Variants in UPP2 observed in about 807,000 individuals in gnomAD.
UPP2 encodes the protein uridine phosphorylase 2.
Under a neutral mutation model 26.7 loss-of-function variants are expected in UPP2, and 23 were observed. The ratio of observed to expected loss-of-function variants is 0.86; its 90% CI spans 0.62 to 1.22. The LOEUF (loss-of-function observed/expected upper bound fraction) is 1.22, where lower values mean the gene tolerates loss of function less well. Ranked by LOEUF, UPP2 falls within the 50% of genes most tolerant of loss-of-function variation. The probability of loss-of-function intolerance (pLI) is 0.00; values close to 1 mark genes in which losing one functional copy is unlikely to be tolerated. For synonymous variants in UPP2, 127 were observed against 141.3 expected (o/e 0.90, Z 0.72); for missense variants, 387 against 396.7 (o/e 0.98, Z 0.21).
rs563060521 is a variant in UPP2, at chr2:158,107,366, A to G, written c.180+1150A>G. 3.2e-4 allele frequency among the ~76,000 whole-genome samples: 48 copies of G among 152,282 alleles called. No individual in the cohort carries two copies. In the Middle Eastern group the frequency reaches 0.014, roughly 43 times the overall value. Reference sequence around the variant, plus strand: ...TTTTGGATGGGTTTAGCAGATATTAACTCTCTCCATAAAACAAGGAAATTA... The same window carrying G: ...TTTTGGATGGGTTTAGCAGATATTAGCTCTCTCCATAAAACAAGGAAATTA... On this transcript the variant is annotated intron_variant, in intron 2 of 6. Coordinates refer to ENST00000005756, the MANE Select transcript of UPP2 (RefSeq NM_173355.4).
At chr2:158,129,966 T>C (rs1246343138) in intron 6 of UPP2, among the ~76,000 whole-genome samples, 4 of 152,022 alleles carry the variant, frequency 2.6e-5, no homozygotes, top group Non-Finnish European at 5.9e-5. Context: ...GTTGTTGTTG[T>C]TTTTGCAAAG....
At chr2:158,055,159 G>A (rs776944123) in intron 3 of UPP2, among the ~76,000 whole-genome samples, 3 of 152,220 alleles carry the variant, frequency 2.0e-5, no homozygotes, top group Non-Finnish European at 2.9e-5. Context: ...CATCTGGTGA[G>A]AGCCTTATTG....
At chr2:158,106,249 T>G (rs1023013567) in intron 2 of UPP2, 33 bp downstream of exon 2, 1 of 1,585,944 alleles carries the variant, frequency 6.3e-7, no homozygotes, top group Admixed American at 1.7e-5. Flanking sequence ...GAAAAATGAT[T>G]GAGTTTTCTC....
intron 3 of UPP2, among the ~76,000 whole-genome samples, chr2:158,033,738 G>C (rs1683960137): frequency 6.6e-6 from 1 of 152,164 alleles, no homozygotes; most frequent in Non-Finnish European, 1.5e-5. Flanking sequence ...TCTGTTATTA[G>C]CCTATCCTCA....
intron 3 of UPP2, among the ~76,000 whole-genome samples, chr2:158,094,670 A>T (rs544341989): frequency 6.6e-6 from 1 of 152,228 alleles, no homozygotes; most frequent in Admixed American, 6.5e-5. Context: ...AATTAGAATC[A>T]GTCAGCTTTG....
At chr2:158,048,774 C>T (rs1682096348) in intron 3 of UPP2, among the ~76,000 whole-genome samples, 1 of 152,124 alleles carries the variant, frequency 6.6e-6, no homozygotes, top group Non-Finnish European at 1.5e-5. Flanking sequence ...CATGTTTAAC[C>T]ATCTTCTTGC....
intron 3 of UPP2, among the ~76,000 whole-genome samples, chr2:158,060,965 A>C (rs369903066): frequency 1.3e-5 from 2 of 152,368 alleles, no homozygotes; most frequent in African/African-American, 2.4e-5. Flanking sequence ...CTGGATGACT[A>C]ATATAGTTTG....
chr2:158,103,286 T>A lies in UPP2; in HGVS notation c.62+1161T>A, dbSNP rs557980400. Among the ~76,000 whole-genome samples the A allele has an allele frequency of 3.3e-4, 51 of 152,280 alleles. 1 individual carries two copies. Among genetic ancestry groups the A allele is most frequent in the South Asian group, 2.1e-3 (10 of 4,828 alleles). On this transcript the variant is annotated intron_variant, in intron 1 of 6. Transcript: ENST00000005756. ...AATCATTAGACGTTGGGACAGGGCA[T>A]CAAGGAAAACTAATCCTAATGAATT...
chr2:158,071,168 G>A (rs1682533375), intron 3 of UPP2, among the ~76,000 whole-genome samples: 1 of 152,152 alleles, frequency 6.6e-6, no homozygotes, highest in African/African-American at 2.4e-5. Context: ...GTGGACTAGG[G>A]CGGCACGTGA....
At chr2:158,015,718 C>T (rs1574246475) in intron 2 of UPP2, 2 of 439,532 alleles carry the variant, frequency 4.6e-6, no homozygotes, top group Non-Finnish European at 9.0e-6. Context: ...TGATAGTGAG[C>T]TCTCACAAGA....
At chr2:158,053,104 G>A (rs1291206528) in intron 3 of UPP2, among the ~76,000 whole-genome samples, 1 of 152,166 alleles carries the variant, frequency 6.6e-6, no homozygotes, top group East Asian at 1.9e-4. Flanking sequence ...CTAGCAGGAG[G>A]TGTGTAGAAG....
At chr2:158,063,135 A>G (rs2105180334) in intron 3 of UPP2, among the ~76,000 whole-genome samples, 1 of 152,184 alleles carries the variant, frequency 6.6e-6, no homozygotes, top group South Asian at 2.1e-4. Flanking sequence ...TTTCTGAACA[A>G]TTACCTTTTC....
chr2:158,036,308 T>C (rs1683998731), intron 3 of UPP2, among the ~76,000 whole-genome samples: 1 of 152,154 alleles, frequency 6.6e-6, no homozygotes. Flanking sequence ...TCTTTTCACT[T>C]GAACCTGAAA....
At chr2:158,106,616 T>C (rs532830486) in intron 2 of UPP2, among the ~76,000 whole-genome samples, 18 of 152,324 alleles carry the variant, frequency 1.2e-4, no homozygotes, top group African/African-American at 4.3e-4. Flanking sequence ...ACTAACAATA[T>C]AATATTATTT....
intron 3 of UPP2, among the ~76,000 whole-genome samples, chr2:158,048,203 AG>A (rs1172073358): frequency 6.6e-6 from 1 of 152,238 alleles, no homozygotes; most frequent in African/African-American, 2.4e-5. Context: ...TGTGGCTGGA[AG>A]GAACACTTGG....
At chr2:158,001,389 G>A (rs1175357730) in intron 2 of UPP2, among the ~76,000 whole-genome samples, 1 of 152,210 alleles carries the variant, frequency 6.6e-6, no homozygotes, top group Admixed American at 6.5e-5. Context: ...TCACCTGACA[G>A]GAGCAGGGAT....
chr2:158,010,415 T>A (rs536836537), intron 2 of UPP2, among the ~76,000 whole-genome samples: 1 of 152,238 alleles, frequency 6.6e-6, no homozygotes, highest in Non-Finnish European at 1.5e-5. Context: ...TGGAAACTGT[T>A]GCATCCTCTT....
chr2:158,011,346 C>T (rs978233980), intron 2 of UPP2, among the ~76,000 whole-genome samples: 2 of 152,222 alleles, frequency 1.3e-5, no homozygotes, highest in Non-Finnish European at 1.5e-5. Context: ...CTCCCTCCTG[C>T]GTCTCTGAGT....
chr2:158,077,297 G>A (rs1682645164), intron 3 of UPP2, among the ~76,000 whole-genome samples: 1 of 151,750 alleles, frequency 6.6e-6, no homozygotes, highest in Non-Finnish European at 1.5e-5. Flanking sequence ...AACAATCCTA[G>A]AACTTATATG....
Sources: gnomAD v4.1 joint callset for allele counts (sites outside exome capture counted in the v4.1 genomes callset) on GRCh38, gnomAD v4.1.1 for gene constraint, MANE v1.5 for transcripts, NCBI Gene and HGNC (gene_info 2026-07-23, HGNC 2026-07-21) for gene names.